The following FRMD4A variants were observed in gnomAD, a reference collection of about 807,000 sequenced individuals.
FRMD4A encodes FERM domain containing 4A.
FRMD4A carries 29 observed loss-of-function variants against 129.1 expected under a neutral mutation model. The ratio of observed to expected loss-of-function variants is 0.22; its 90% CI spans 0.17 to 0.31. FRMD4A has a LOEUF of 0.31. Among genes scored for constraint, FRMD4A ranks in the 10% least tolerant of loss-of-function variants. FRMD4A has a pLI of 1.00. For missense variants in FRMD4A, 1,272 were observed against 1,375.8 expected, an observed-to-expected ratio of 0.92 and a Z score of 1.19; for synonymous variants, 634 against 571.6, an observed-to-expected ratio of 1.11 and a Z score of -1.56.
chr10:14,126,197 G>A (rs965941605), intron 2 of FRMD4A, among the ~76,000 whole-genome samples: 2 of 132,036 alleles, frequency 1.5e-5, no homozygotes, highest in Non-Finnish European at 3.1e-5. Context: ...TTGAGATGGA[G>A]TCTCATTCTG....
intron 2 of FRMD4A, among the ~76,000 whole-genome samples, chr10:14,076,954 G>A (rs964316968): frequency 6.6e-6 from 1 of 152,196 alleles, no homozygotes; most frequent in Non-Finnish European, 1.5e-5. Context: ...GAGGGGAGGT[G>A]TCCAAGCTGG....
At chr10:13,707,149 G>A in intron 12 of FRMD4A, 36 bp from the exon 13 acceptor site, 3 of 1,195,102 alleles carry the variant, frequency 2.5e-6, no homozygotes, top group African/African-American at 1.5e-5. Context: ...AACTCAGGAG[G>A]GGCTGGCTCC....
chr10:14,007,538 C>A (rs557159908), intron 2 of FRMD4A: 1 of 152,880 alleles, frequency 6.5e-6, no homozygotes, highest in Non-Finnish European at 1.5e-5. Flanking sequence ...AACAAATAAA[C>A]CCCAAATGAT....
chr10:14,245,946 G>A (rs1165593361), intron 2 of FRMD4A, among the ~76,000 whole-genome samples: 1 of 152,116 alleles, frequency 6.6e-6, no homozygotes, highest in Non-Finnish European at 1.5e-5. Flanking sequence ...CCACTTAGCC[G>A]GCTGTGCCTG....
At chr10:14,301,008 G>A (rs1389139331) in intron 2 of FRMD4A, among the ~76,000 whole-genome samples, 1 of 152,294 alleles carries the variant, frequency 6.6e-6, no homozygotes, top group East Asian at 1.9e-4. Context: ...ACCTCCAGGA[G>A]GGATGGAGAA....
chr10:14,114,101 C>G (rs975681494), intron 2 of FRMD4A, among the ~76,000 whole-genome samples: 1 of 152,238 alleles, frequency 6.6e-6, no homozygotes, highest in African/African-American at 2.4e-5. Context: ...TGTCTTCTCC[C>G]TGTGGCTTCT....
At chr10:13,957,229 T>C (rs775350284) in intron 2 of FRMD4A, among the ~76,000 whole-genome samples, 1 of 152,152 alleles carries the variant, frequency 6.6e-6, no homozygotes, top group Non-Finnish European at 1.5e-5. Flanking sequence ...AGTGTGCCAG[T>C]GTTTATGTTT....
intron 2 of FRMD4A, among the ~76,000 whole-genome samples, chr10:14,111,395 A>G (rs779272248): frequency 1.3e-5 from 2 of 152,202 alleles, no homozygotes; most frequent in African/African-American, 4.8e-5. Flanking sequence ...ATGATGAAAT[A>G]ACATCCCAAG....
At chr10:14,063,110 C>A (rs189466685) in intron 2 of FRMD4A, among the ~76,000 whole-genome samples, 24 of 152,172 alleles carry the variant, frequency 1.6e-4, no homozygotes, top group Admixed American at 3.3e-4. Context: ...ATATTAAGAG[C>A]TTTACACTTA....
chr10:13,690,047 C>T (rs1199066389), intron 15 of FRMD4A, among the ~76,000 whole-genome samples: 1 of 152,166 alleles, frequency 6.6e-6, no homozygotes, highest in East Asian at 1.9e-4. Context: ...CACTATCTAA[C>T]AAGGAGGTGA....
intron 2 of FRMD4A, among the ~76,000 whole-genome samples, chr10:14,143,471 T>C (rs945042278): frequency 3.3e-5 from 5 of 152,256 alleles, no homozygotes; most frequent in African/African-American, 1.2e-4. Context: ...GTTGGGGAGA[T>C]GGAATTGGGA....
intron 2 of FRMD4A, among the ~76,000 whole-genome samples, chr10:14,128,369 G>T (rs1044603684): frequency 6.6e-6 from 1 of 152,098 alleles, no homozygotes; most frequent in Non-Finnish European, 1.5e-5. Flanking sequence ...CCCACAAAGT[G>T]CTGGGATTAG....
intron 3 of FRMD4A, among the ~76,000 whole-genome samples, chr10:13,845,045 G>A (rs1219882075): frequency 6.6e-6 from 1 of 152,134 alleles, no homozygotes; most frequent in African/African-American, 2.4e-5. Flanking sequence ...ATATAGTTGT[G>A]CTTCAGTATC....
At chr10:13,810,736 C>T in intron 4 of FRMD4A, 78 bp downstream of exon 4, 1 of 699,478 alleles carries the variant, frequency 1.4e-6, no homozygotes, top group Non-Finnish European at 2.5e-6. Context: ...GATTTCGCTG[C>T]TAACAGCTGG....
intron 6 of FRMD4A, among the ~76,000 whole-genome samples, chr10:13,779,744 C>T (rs2092689456): frequency 6.6e-6 from 1 of 151,296 alleles, no homozygotes; most frequent in South Asian, 2.1e-4. Context: ...GCATTTTGGC[C>T]TCCAAATTAA....
chr10:13,924,272 T>C (rs2095105103), intron 2 of FRMD4A, among the ~76,000 whole-genome samples: 1 of 152,138 alleles, frequency 6.6e-6, no homozygotes, highest in African/African-American at 2.4e-5. Flanking sequence ...CACATTACAC[T>C]CCAGCTGAAG....
chr10:13,865,785 C>G (rs1191810729), intron 2 of FRMD4A, among the ~76,000 whole-genome samples: 1 of 151,928 alleles, frequency 6.6e-6, no homozygotes, highest in Non-Finnish European at 1.5e-5. Flanking sequence ...TGATCCTGAA[C>G]CCAGAAAAAA....
Position 13,737,920 on chromosome 10 carries a change from C to T in FRMD4A, c.683G>A (p.Gly228Asp). Residue 228 changes from glycine (G) to aspartate (D), a missense_variant, in exon 12 of 25, where the codon GGC (glycine) becomes GAC (aspartate). Coordinates refer to ENST00000357447, the MANE Select transcript of FRMD4A (RefSeq NM_018027.5). ...GCTCAGGCCCAGCCACCATGGTATG[C>T]CCTGCTTGTCCTAGGATATCAAAAA... Reference protein sequence around the residue: ...VHYYAVKDKQGIPWWLGLSYK... With the variant: ...VHYYAVKDKQDIPWWLGLSYK... The T allele has an allele frequency of 6.3e-7, 1 of 1,587,442 alleles. No homozygotes were observed. Among genetic ancestry groups the T allele is most frequent in the Non-Finnish European group, 8.7e-7 (1 of 1,155,942 alleles).
At chr10:13,838,386 G>T (rs1198329652) in intron 3 of FRMD4A, among the ~76,000 whole-genome samples, 1 of 150,466 alleles carries the variant, frequency 6.6e-6, no homozygotes, top group African/African-American at 2.5e-5. Context: ...GAACTACCAC[G>T]CCCAGCCACA....
Sources: allele counts gnomAD v4.1 joint callset (sites outside exome capture counted in the v4.1 genomes callset), GRCh38; gene constraint gnomAD v4.1.1; transcripts MANE v1.5; gene names NCBI Gene and HGNC (gene_info 2026-07-23, HGNC 2026-07-21).